Variants in KLHL3 observed in about 807,000 individuals in gnomAD.
KLHL3 encodes the protein kelch like family member 3, also known as kelch-like protein 3.
A neutral mutation model predicts 70.5 loss-of-function variants in KLHL3; 19 were observed. The ratio of observed to expected loss-of-function variants is 0.27; its 90% confidence interval spans 0.19 to 0.40. KLHL3 has a LOEUF of 0.40. Ranked by LOEUF, KLHL3 falls within the 10% of genes least tolerant of loss-of-function variation. KLHL3 has a pLI of 1.00. For synonymous variants in KLHL3, 258 were observed against 290.3 expected (o/e 0.89, Z 1.13); for missense variants, 512 against 771.1 (o/e 0.66, Z 3.98).
chr5:137,628,490 A>G, intron 12 of KLHL3, 53 bp from the exon 13 acceptor site: 3 of 1,605,038 alleles, frequency 1.9e-6, no homozygotes, highest in East Asian at 2.2e-5. Flanking sequence ...GTAACCAGAA[A>G]TCAGGAGGCC....
intron 10 of KLHL3, among the ~76,000 whole-genome samples, chr5:137,637,884 A>G (rs1177685064): frequency 6.6e-6 from 1 of 152,214 alleles, no homozygotes; most frequent in Non-Finnish European, 1.5e-5. Context: ...TTTCTAATAT[A>G]GATACCATTC....
chr5:137,642,928 C>A (rs1320516651), intron 8 of KLHL3, among the ~76,000 whole-genome samples: 7 of 151,584 alleles, frequency 4.6e-5, no homozygotes, highest in Non-Finnish European at 7.4e-5. Context: ...CTATCTCCCA[C>A]CAGGGAAGTA....
chr5:137,684,796 A>G (rs1328098550), intron 5 of KLHL3, among the ~76,000 whole-genome samples: 1 of 152,238 alleles, frequency 6.6e-6, no homozygotes, highest in Non-Finnish European at 1.5e-5. Context: ...CCCAGCTACT[A>G]GTTGCCCAGG....
chr5:137,681,452 A>G (rs1752022590), intron 5 of KLHL3, among the ~76,000 whole-genome samples: 1 of 152,188 alleles, frequency 6.6e-6, no homozygotes, highest in African/African-American at 2.4e-5. Context: ...AGGGAACAGG[A>G]AAATTCAGAG....
At chr5:137,702,310 C>T (rs1752587857) in intron 3 of KLHL3, among the ~76,000 whole-genome samples, 1 of 152,106 alleles carries the variant, frequency 6.6e-6, no homozygotes, top group African/African-American at 2.4e-5. Context: ...CAGATTGATG[C>T]ATAATGGTTA....
At position 137,658,179 on chromosome 5, in the gene KLHL3, C is replaced by T; in HGVS notation, c.855G>A (p.Leu285=). Residue 285 remains leucine (L), a synonymous_variant, in exon 8 of 15, where the codon TTG becomes TTA. Coordinates refer to ENST00000309755, the MANE Select transcript of KLHL3 (RefSeq NM_017415.3). ...TGGGCTTGGTCCTTGGGTTCTTAATCAATAGTCTCTGATCCAGAGGGAGGA... is the reference window on the plus strand; with the variant it reads ...TGGGCTTGGTCCTTGGGTTCTTAATTAATAGTCTCTGATCCAGAGGGAGGA... ...YHLLPLDQRL[L]IKNPRTKPRT... 5 of 1,614,022 alleles carry T rather than the reference C, an allele frequency of 3.1e-6. No individual in the cohort carries two copies. Among genetic ancestry groups the T allele is most frequent in the African/African-American group, 1.3e-5 (1 of 75,034 alleles).
intron 5 of KLHL3, among the ~76,000 whole-genome samples, chr5:137,685,710 T>C (rs2905594): frequency 0.78 from 118,872 of 152,148 alleles, 46,677 homozygotes; most frequent in East Asian, 0.98. Flanking sequence ...GGGTGTCTTG[T>C]TATGTTACCC....
At chr5:137,706,898 C>T (rs998931158) in intron 3 of KLHL3, among the ~76,000 whole-genome samples, 1 of 152,026 alleles carries the variant, frequency 6.6e-6, no homozygotes, top group African/African-American at 2.4e-5. Context: ...TATGATTGGC[C>T]AGGGAAATCA....
chr5:137,683,462 T>G (rs1354353074), intron 5 of KLHL3, among the ~76,000 whole-genome samples: 2 of 152,172 alleles, frequency 1.3e-5, no homozygotes, highest in Admixed American at 6.5e-5. Flanking sequence ...CTCTCTCTTC[T>G]GCCCCTTATT....
Position 137,618,063 on chromosome 5 carries a change from G to A in KLHL3, c.*4035C>T, listed in dbSNP as rs1004190714. 1 of 152,588 alleles carries A rather than the reference G, an allele frequency of 6.6e-6. No individual in the cohort carries two copies. Among genetic ancestry groups the A allele is most frequent in the Non-Finnish European group, 1.5e-5 (1 of 68,062 alleles). 9.5% of individuals were successfully genotyped at this position (152,588 alleles called of 1,614,324 possible). A position where few individuals can be genotyped will look rare whatever the true frequency, so the allele number is the denominator to read the frequency against. ...GAGGCTGTAATTATCCACTACAGAA[G>A]AAATCTCTTCCATTCCCAAATGCTG... On this transcript the variant is annotated 3_prime_UTR_variant, in exon 15 of 15. Transcript: ENST00000309755.
At chr5:137,635,167 G>A (rs953639167) in intron 11 of KLHL3, among the ~76,000 whole-genome samples, 1 of 152,066 alleles carries the variant, frequency 6.6e-6, no homozygotes, top group South Asian at 2.1e-4. Context: ...AAGATTCTCA[G>A]GCTCAAACCT....
intron 4 of KLHL3, among the ~76,000 whole-genome samples, chr5:137,693,547 C>T (rs1225969537): frequency 1.3e-5 from 2 of 152,036 alleles, no homozygotes; most frequent in East Asian, 3.9e-4. Flanking sequence ...TGTCCCACTC[C>T]AGCTCTGCTA....
At position 137,662,147 on chromosome 5, in the gene KLHL3, A is replaced by G. The variant is rs367606103; in HGVS notation, c.637-116T>C. 3.8e-4 allele frequency: 242 copies of G among 634,360 alleles called. 1 individual carries two copies. The African/African-American group carries it at 4.0e-3, about 11-fold the overall frequency. 39.3% of individuals were successfully genotyped at this position (634,360 alleles called of 1,614,324 possible). On this transcript the variant is annotated intron_variant, in intron 6 of 14. Transcript: ENST00000309755. ...GAGAAAAAGTTATGAGTCATCCACA[A>G]AGGTGTTTAATTAATCTGAGACTCA...
chr5:137,654,260 T>A (rs62374066), intron 8 of KLHL3, among the ~76,000 whole-genome samples: 53,830 of 152,064 alleles, frequency 0.35, 10,241 homozygotes, highest in East Asian at 0.53. Flanking sequence ...ATTATACCTC[T>A]ACTAATCTAA....
At chr5:137,719,805 T>A (rs1752962299) in intron 2 of KLHL3, among the ~76,000 whole-genome samples, 1 of 152,218 alleles carries the variant, frequency 6.6e-6, no homozygotes, top group African/African-American at 2.4e-5. Context: ...CAGTCTTTAA[T>A]CTGCAATTGT....
chr5:137,688,683 G>T (rs1752247477), intron 5 of KLHL3, among the ~76,000 whole-genome samples: 1 of 152,146 alleles, frequency 6.6e-6, no homozygotes, highest in African/African-American at 2.4e-5. Context: ...GCACCGTCTG[G>T]GCTTGAATCC....
intron 8 of KLHL3, among the ~76,000 whole-genome samples, chr5:137,649,265 A>C (rs781735347): frequency 2.6e-4 from 39 of 152,238 alleles, no homozygotes; most frequent in Admixed American, 5.2e-4. Context: ...TAGCAAATAA[A>C]AGACAGAAGT....
chr5:137,732,297 G>A (rs1753190987), intron 1 of KLHL3, among the ~76,000 whole-genome samples: 1 of 151,976 alleles, frequency 6.6e-6, no homozygotes, highest in South Asian at 2.1e-4. Context: ...TCCCATGGAG[G>A]GAACTGGGGA....
intron 1 of KLHL3, among the ~76,000 whole-genome samples, chr5:137,722,390 G>A (rs1206363950): frequency 3.3e-5 from 5 of 152,196 alleles, no homozygotes; most frequent in Non-Finnish European, 5.9e-5. Context: ...TGTGCACAAG[G>A]AAGTTAGCTG....
Sources: gnomAD v4.1 joint callset for allele counts (sites outside exome capture counted in the v4.1 genomes callset) on GRCh38, gnomAD v4.1.1 for gene constraint, MANE v1.5 for transcripts, NCBI Gene and HGNC (gene_info 2026-07-23, HGNC 2026-07-21) for gene names.